The following ITGA8 variants were observed in gnomAD, a reference collection of about 807,000 sequenced individuals.
The protein encoded by ITGA8 is integrin alpha-8.
In ITGA8, 91 loss-of-function variants were observed where a neutral mutation model predicts 142.3. That is an observed-to-expected ratio of 0.64 (90% CI 0.54 to 0.76). The LOEUF (loss-of-function observed/expected upper bound fraction) is 0.76. Among genes scored for constraint, ITGA8 ranks in the 30% least tolerant of loss-of-function variants. The probability of loss-of-function intolerance (pLI) is 0.00; values close to 1 mark genes in which losing one functional copy is unlikely to be tolerated. For synonymous variants in ITGA8, 505 were observed against 485.2 expected (o/e 1.04, Z -0.54); for missense variants, 1,406 against 1,327.7 (o/e 1.06, Z -0.92).
intron 8 of ITGA8, among the ~76,000 whole-genome samples, chr10:15,666,225 G>A (rs1399956687): frequency 6.6e-6 from 1 of 152,004 alleles, no homozygotes; most frequent in Non-Finnish European, 1.5e-5. Context: ...CCTTGAAGAG[G>A]TCCTTCACAT....
At chr10:15,660,970 AACAC>A in intron 8 of ITGA8, 48 bp from the exon 9 acceptor site, 5 of 1,388,694 alleles carry the variant, frequency 3.6e-6, no homozygotes, top group Non-Finnish European at 4.1e-6. Context: ...CACACACACA[AACAC>A]ACACACACAC....
intron 8 of ITGA8, among the ~76,000 whole-genome samples, chr10:15,666,932 G>A (rs938049014): frequency 5.3e-5 from 8 of 152,292 alleles, no homozygotes; most frequent in South Asian, 2.1e-4. Flanking sequence ...GTACTTTATT[G>A]AGGATTTTTG....
At chr10:15,641,893 G>A (rs1314465305) in intron 13 of ITGA8, among the ~76,000 whole-genome samples, 1 of 152,144 alleles carries the variant, frequency 6.6e-6, no homozygotes, top group Non-Finnish European at 1.5e-5. Flanking sequence ...ACTTTGGGAG[G>A]CTGAGGTGGG....
intron 8 of ITGA8, among the ~76,000 whole-genome samples, chr10:15,668,905 G>A (rs376742823): frequency 6.6e-6 from 1 of 152,190 alleles, no homozygotes; most frequent in East Asian, 1.9e-4. Context: ...AGTCTGATGG[G>A]CTTCCCTTTG....
intron 20 of ITGA8, 46 bp from the exon 21 acceptor site, chr10:15,597,345 A>T (rs1389126661): frequency 6.7e-7 from 1 of 1,486,798 alleles, no homozygotes; most frequent in Admixed American, 1.7e-5. Context: ...GATAAATGAC[A>T]TCCTGACACA....
rs147757600 is a variant in ITGA8, at chr10:15,632,983, C to T, written c.1399+11047G>A. 2.5e-3 allele frequency among the ~76,000 whole-genome samples: 384 copies of T among 152,270 alleles called. 2 individuals are homozygous for T. The highest frequency in any genetic ancestry group is 8.5e-3 in the African/African-American group (353 of 41,550). ...ACATCACGTGGTTCATCTCATTATCCTCCCCTGGGATACTTTAATGACTTT... is the reference window on the plus strand; with the variant it reads ...ACATCACGTGGTTCATCTCATTATCTTCCCCTGGGATACTTTAATGACTTT... On this transcript the variant is annotated intron_variant, in intron 13 of 29. Transcript: ENST00000378076.
intron 2 of ITGA8, among the ~76,000 whole-genome samples, chr10:15,694,220 A>G (rs1380194349): frequency 7.2e-6 from 1 of 138,426 alleles, no homozygotes; most frequent in Non-Finnish European, 1.6e-5. Context: ...ATGATAACAT[A>G]TCATATATAT....
intron 25 of ITGA8, among the ~76,000 whole-genome samples, chr10:15,562,962 G>T (rs1249553733): frequency 6.6e-6 from 1 of 152,242 alleles, no homozygotes; most frequent in African/African-American, 2.4e-5. Flanking sequence ...GATCCCTCAT[G>T]AATGGCTTGG....
intron 28 of ITGA8, among the ~76,000 whole-genome samples, chr10:15,528,269 C>A (rs940604416): frequency 6.6e-6 from 1 of 152,152 alleles, no homozygotes; most frequent in Admixed American, 6.5e-5. Context: ...AATGGCAAAG[C>A]CTTTGAAAAG....
Position 15,531,131 on chromosome 10 carries a change from A to G in ITGA8, c.2901T>C (p.Ala967=). The G allele has an allele frequency of 6.5e-7, 1 of 1,527,644 alleles. No homozygotes were observed. The highest frequency in any genetic ancestry group is 8.7e-7 in the Non-Finnish European group (1 of 1,142,982). The allele number at this position is 1,527,644 out of a possible 1,614,324, so 94.6% of individuals were successfully genotyped here. Residue 967 remains alanine, a synonymous_variant, in exon 28 of 30, where the codon GCT becomes GCC. Transcript: ENST00000378076. The stretch of plus-strand genomic sequence containing the variant: ...CTTCAAAGGACACCAGGGATGCAAG[A>G]GCATAGGGATCATTTTTTCTCTGAA... The part of the protein sequence containing the change: ...TFLQRKNDPY[A]LASLVSFEVK...
At chr10:15,568,162 G>C (rs1240553049) in intron 25 of ITGA8, among the ~76,000 whole-genome samples, 1 of 152,106 alleles carries the variant, frequency 6.6e-6, no homozygotes, top group Non-Finnish European at 1.5e-5. Flanking sequence ...GGCCTCAAGT[G>C]ATCCTCCCAC....
At chr10:15,663,180 T>A (rs1352710791) in intron 8 of ITGA8, among the ~76,000 whole-genome samples, 1 of 152,188 alleles carries the variant, frequency 6.6e-6, no homozygotes, top group Non-Finnish European at 1.5e-5. Context: ...AAGTAAATCA[T>A]GAACATGCAC....
At chr10:15,569,155 A>T (rs141254120) in intron 25 of ITGA8, among the ~76,000 whole-genome samples, 83 of 152,314 alleles carry the variant, frequency 5.4e-4, no homozygotes, top group African/African-American at 2.0e-3. Flanking sequence ...TCTGAACACG[A>T]GGGAAAGGGA....
intron 13 of ITGA8, among the ~76,000 whole-genome samples, chr10:15,625,803 G>A (rs1460882494): frequency 6.6e-6 from 1 of 152,188 alleles, no homozygotes; most frequent in Non-Finnish European, 1.5e-5. Flanking sequence ...GCAGATATGA[G>A]GGTACGGGAG....
intron 13 of ITGA8, among the ~76,000 whole-genome samples, chr10:15,635,094 C>T (rs1477072406): frequency 3.4e-5 from 5 of 149,008 alleles, no homozygotes; most frequent in Admixed American, 1.3e-4. Flanking sequence ...GTAACCTCCG[C>T]TTCCCAGGTT....
chr10:15,568,788 G>A (rs1834124109), intron 25 of ITGA8, among the ~76,000 whole-genome samples: 1 of 152,212 alleles, frequency 6.6e-6, no homozygotes, highest in African/African-American at 2.4e-5. Flanking sequence ...GTCCAGGACT[G>A]CTGCCATATG....
intron 2 of ITGA8, among the ~76,000 whole-genome samples, chr10:15,707,240 G>T (rs1198327620): frequency 6.6e-6 from 1 of 152,130 alleles, no homozygotes; most frequent in Non-Finnish European, 1.5e-5. Context: ...ATCTCAAAAT[G>T]GTACATTATC....
At chr10:15,542,061 G>A (rs1833579314) in intron 27 of ITGA8, among the ~76,000 whole-genome samples, 1 of 152,142 alleles carries the variant, frequency 6.6e-6, no homozygotes, top group South Asian at 2.1e-4. Context: ...TAGAGATTTT[G>A]CCTTTTAAGG....
At position 15,708,334 on chromosome 10, in the gene ITGA8, G is replaced by T. The variant is rs571940773; in HGVS notation, c.343+10432C>A. On this transcript the variant is annotated intron_variant, in intron 2 of 29. Coordinates refer to ENST00000378076, the MANE Select transcript of ITGA8 (RefSeq NM_003638.3). ...TCCAGTCTTCCCAGGTAATCTTTGT[G>T]GTAAAGAATGGATAATCTATCACAG... Among the ~76,000 whole-genome samples, 3 of 152,030 alleles carry T rather than the reference G, an allele frequency of 2.0e-5. No individual in the cohort carries two copies. In the South Asian group the frequency reaches 6.2e-4, roughly 32 times the overall value.
Sources: gnomAD v4.1 joint callset for allele counts (sites outside exome capture counted in the v4.1 genomes callset) on GRCh38, gnomAD v4.1.1 for gene constraint, MANE v1.5 for transcripts, NCBI Gene and HGNC (gene_info 2026-07-23, HGNC 2026-07-21) for gene names.